BLMH: variants seen among roughly 807,000 people sequenced by gnomAD.
The protein encoded by BLMH is BLM hydrolase.
In BLMH, 32 loss-of-function variants were observed where a neutral mutation model predicts 61.6. The observed-to-expected ratio is 0.52, with a 90% CI of 0.39 to 0.70. BLMH has a LOEUF of 0.70. Among genes scored for constraint, BLMH ranks in the 30% least tolerant of loss-of-function variants. The pLI is 0.00. For missense variants in BLMH, 460 were observed against 555.5 expected (o/e 0.83, Z 1.73); for synonymous variants, 183 against 193.8 (o/e 0.94, Z 0.46).
chr17:30,282,193 C>G (rs942803972), intron 6 of BLMH, among the ~76,000 whole-genome samples: 1 of 147,924 alleles, frequency 6.8e-6, no homozygotes, highest in Non-Finnish European at 1.5e-5. Flanking sequence ...CCATGCCTGG[C>G]TATGTTTTGC....
Position 30,289,361 on chromosome 17 carries a change from T to C in BLMH, c.321+12A>G, listed in dbSNP as rs775507585. ...TCAATACAAAAAGAATCTTGCCAGA[T>C]CTGTCCCATACCTTGTCCCAAAAAA... On this transcript the variant is annotated intron_variant, in intron 3 of 11. Transcript: ENST00000261714. 54 of 1,533,280 alleles carry C rather than the reference T, an allele frequency of 3.5e-5. No homozygotes were observed. The highest frequency in any genetic ancestry group is 4.7e-5 in the Non-Finnish European group (52 of 1,116,186). The allele number at this position is 1,533,280 out of a possible 1,614,324, so 95.0% of individuals were successfully genotyped here. A position where few individuals can be genotyped will look rare whatever the true frequency, so the allele number is the denominator to read the frequency against.
intron 6 of BLMH, among the ~76,000 whole-genome samples, chr17:30,275,846 G>C (rs1239175399): frequency 6.6e-6 from 1 of 152,084 alleles, no homozygotes; most frequent in African/African-American, 2.4e-5. Flanking sequence ...TCACCACCCT[G>C]ATCCAATCAT....
chr17:30,285,058 C>T (rs936566334), intron 6 of BLMH, among the ~76,000 whole-genome samples: 1 of 152,118 alleles, frequency 6.6e-6, no homozygotes, highest in Non-Finnish European at 1.5e-5. Context: ...TTCTTTTTCC[C>T]AAGAGACTGA....
In BLMH at chr17:30,285,459, G is replaced by A. The variant is rs1302820545; in HGVS notation, c.574C>T (p.Leu192=). 6.2e-7 allele frequency: 1 copy of A among 1,611,830 alleles called. No homozygotes were observed. The highest frequency in any genetic ancestry group is 8.5e-7 in the Non-Finnish European group (1 of 1,178,908). ...NHKMREFCIR[L]RNLVHSGATK... ...GCTCCACTGTGTACCAGGTTCCGCA[G>A]TCGTATACAGAATTCTCTCATCTAT... Residue 192 remains leucine, a synonymous_variant, in exon 6 of 12, where the codon CTG becomes TTG. Coordinates refer to ENST00000261714, the MANE Select transcript of BLMH (RefSeq NM_000386.4).
intron 6 of BLMH, among the ~76,000 whole-genome samples, chr17:30,277,217 C>A (rs886656590): frequency 5.3e-5 from 8 of 152,316 alleles, no homozygotes; most frequent in Non-Finnish European, 7.4e-5. Context: ...AACGTTATAT[C>A]CTTCCCAAGT....
chr17:30,253,118 G>C (rs1907718570), intron 11 of BLMH, among the ~76,000 whole-genome samples: 1 of 152,150 alleles, frequency 6.6e-6, no homozygotes, highest in South Asian at 2.1e-4. Context: ...CCACAATGCA[G>C]GCTGAATAAA....
In BLMH at chr17:30,274,206, G is replaced by C. The variant is rs570290540; in HGVS notation, c.646-9C>G. 3 of 1,612,330 alleles carry C rather than the reference G, an allele frequency of 1.9e-6. No homozygotes were observed. Among genetic ancestry groups the C allele is most frequent in the South Asian group, 1.1e-5 (1 of 90,620 alleles). On this transcript the variant is annotated splice_polypyrimidine_tract_variant and intron_variant, in intron 6 of 11. Coordinates refer to ENST00000261714, the MANE Select transcript of BLMH (RefSeq NM_000386.4). ...CACACCACTCGGAATATCTGGAAGAGAGGAGGAGGAAAGGCGAGCAATGGT... is the reference window on the plus strand; with the variant it reads ...CACACCACTCGGAATATCTGGAAGACAGGAGGAGGAAAGGCGAGCAATGGT...
chr17:30,286,693 T>C (rs1908736438), intron 5 of BLMH, 121 bp downstream of exon 5: 4 of 632,746 alleles, frequency 6.3e-6, no homozygotes, highest in East Asian at 6.3e-5. Flanking sequence ...TTGACAGACA[T>C]TGACATTGGT....
intron 11 of BLMH, among the ~76,000 whole-genome samples, chr17:30,264,127 T>C (rs1165196112): frequency 6.6e-6 from 1 of 152,234 alleles, no homozygotes; most frequent in African/African-American, 2.4e-5. Flanking sequence ...TCCTTCCTGT[T>C]AAGTTAGAAA....
intron 11 of BLMH, 155 bp downstream of exon 11, chr17:30,266,729 TG>T: frequency 1.5e-6 from 1 of 686,158 alleles, no homozygotes. Context: ...AGGAGAATCC[TG>T]GGGGCAAATC....
At chr17:30,250,945 G>A (rs1250210822) in intron 11 of BLMH, among the ~76,000 whole-genome samples, 1 of 152,196 alleles carries the variant, frequency 6.6e-6, no homozygotes, top group Non-Finnish European at 1.5e-5. Context: ...CAACTTCGAT[G>A]GAGCTGGAGG....
chr17:30,266,523 C>CAAAAAAAAAAA (rs770078465), intron 11 of BLMH, among the ~76,000 whole-genome samples: 1 of 52,962 alleles, frequency 1.9e-5, no homozygotes. Flanking sequence ...AGACTCTGTC[C>CAAAAAAAAAAA]AAAAAAAAAA....
intron 11 of BLMH, among the ~76,000 whole-genome samples, chr17:30,258,548 T>C (rs11868229): frequency 0.038 from 5,796 of 152,208 alleles, 163 homozygotes; most frequent in Middle Eastern, 0.071. Flanking sequence ...TTTTAAACCA[T>C]TAAACCACCA....
chr17:30,256,263 T>G (rs1488236925), intron 11 of BLMH, among the ~76,000 whole-genome samples: 7 of 152,172 alleles, frequency 4.6e-5, no homozygotes, highest in Non-Finnish European at 1.0e-4. Flanking sequence ...TTATATTGGT[T>G]GCAAACTTTT....
intron 11 of BLMH, among the ~76,000 whole-genome samples, chr17:30,255,137 T>G (rs1907779695): frequency 6.6e-6 from 1 of 152,218 alleles, no homozygotes; most frequent in Non-Finnish European, 1.5e-5. Flanking sequence ...TCTGCATTAA[T>G]GCACTGTGTA....
intron 6 of BLMH, among the ~76,000 whole-genome samples, chr17:30,280,979 T>C (rs763225371): frequency 9.9e-5 from 15 of 151,978 alleles, no homozygotes; most frequent in Non-Finnish European, 1.9e-4. Context: ...GACTGTTTAT[T>C]CACTGTTTAT....
At chr17:30,267,952 G>A (rs1908155780) in intron 10 of BLMH, among the ~76,000 whole-genome samples, 1 of 152,068 alleles carries the variant, frequency 6.6e-6, no homozygotes, top group African/African-American at 2.4e-5. Context: ...CTCCACTCTT[G>A]GCAGTTTTCT....
At chr17:30,280,575 C>G (rs1908558885) in intron 6 of BLMH, among the ~76,000 whole-genome samples, 1 of 152,112 alleles carries the variant, frequency 6.6e-6, no homozygotes, top group South Asian at 2.1e-4. Context: ...CTCCTGGGCT[C>G]AAGTGATCTT....
At chr17:30,259,912 C>A (rs1907912491) in intron 11 of BLMH, among the ~76,000 whole-genome samples, 1 of 152,148 alleles carries the variant, frequency 6.6e-6, no homozygotes, top group South Asian at 2.1e-4. Flanking sequence ...CACATTAGGG[C>A]ACTGAATTTT....
Sources: gnomAD v4.1 joint callset for allele counts (sites outside exome capture counted in the v4.1 genomes callset) on GRCh38, gnomAD v4.1.1 for gene constraint, MANE v1.5 for transcripts, NCBI Gene and HGNC (gene_info 2026-07-23, HGNC 2026-07-21) for gene names.